GYPB: variants seen among roughly 807,000 people sequenced by gnomAD.
GYPB encodes the protein glycophorin B (MNS blood group).
GYPB carries 13 observed loss-of-function variants against 15.3 expected under a neutral mutation model. That is an observed-to-expected ratio of 0.85 (90% CI 0.55 to 1.35). GYPB has a LOEUF of 1.35. Among genes scored for constraint, GYPB ranks in the 40% most tolerant of loss-of-function variants. The pLI, the probability that GYPB is intolerant of heterozygous loss-of-function variation, is 0.00. For missense variants in GYPB, 131 were observed against 108.3 expected (o/e 1.21, Z -0.93); for synonymous variants, 38 against 36.9 (o/e 1.03, Z -0.11).
chr4:143,997,719 A>T (rs1727400569), intron 3 of GYPB, 85 bp from the exon 4 acceptor site: 6 of 745,408 alleles, frequency 8.0e-6, no homozygotes, highest in Middle Eastern at 2.3e-4. Flanking sequence ...TCAGCATAAC[A>T]TCACCTTGCC....
At position 143,996,175 on chromosome 4, in the gene GYPB, A is replaced by G; in HGVS notation, c.*124T>C. On this transcript the variant is annotated 3_prime_UTR_variant, in exon 5 of 5. Coordinates refer to ENST00000502664, the MANE Select transcript of GYPB (RefSeq NM_002100.6). ...GTAATAGTGAGGCAGGAGAACAGGG[A>G]ATTAGGATAGCCAGGGGTAGGGGCA... 1 of 1,536,294 alleles carries G rather than the reference A, an allele frequency of 6.5e-7. No individual in the cohort carries two copies. Among genetic ancestry groups the G allele is most frequent in the Non-Finnish European group, 8.8e-7 (1 of 1,137,960 alleles).
At position 144,002,297 on chromosome 4, in the gene GYPB, T is replaced by C. The variant is rs118093756; in HGVS notation, c.38-1014A>G. Among the ~76,000 whole-genome samples the C allele has an allele frequency of 1.1e-3, 171 of 151,630 alleles. 5 individuals carry two copies. In the East Asian group the frequency reaches 0.026, roughly 23 times the overall value. ...ATATAGCCATCTGAACTTTTAGTTG[T>C]TATATGTAAATATGGGATCATGGTG... On this transcript the variant is annotated intron_variant, in intron 1 of 4. Coordinates refer to ENST00000502664, the MANE Select transcript of GYPB (RefSeq NM_002100.6).
Position 143,996,317 on chromosome 4 carries a change from GA to G in GYPB, c.271-14del. On this transcript the variant is annotated splice_polypyrimidine_tract_variant and intron_variant, in intron 4 of 4. Transcript: ENST00000502664. ...CACATCCTCATGCCTGTGATAAAAA[GA>G]CAAGAAGTTTCCACTTCAGCCTCTG... The G allele has an allele frequency of 4.5e-6, 7 of 1,550,686 alleles. No individual in the cohort carries two copies. Among genetic ancestry groups the G allele is most frequent in the Non-Finnish European group, 6.1e-6 (7 of 1,147,140 alleles).
downstream of GYPB, among the ~76,000 whole-genome samples, chr4:143,995,276 C>T (rs1727270156): frequency 1.3e-5 from 2 of 151,374 alleles, 1 homozygote; most frequent in African/African-American, 4.9e-5. Context: ...GAGGTAATAA[C>T]ATTCATTTAT....
chr4:144,008,747 G>C (rs1256572642), intron 1 of GYPB, among the ~76,000 whole-genome samples: 1 of 151,424 alleles, frequency 6.6e-6, no homozygotes, highest in Admixed American at 6.6e-5. Context: ...TCACACCACT[G>C]GTACTTCCTT....
intron 4 of GYPB, among the ~76,000 whole-genome samples, chr4:143,996,898 T>C (rs2149954222): frequency 6.6e-6 from 1 of 151,320 alleles, no homozygotes; most frequent in African/African-American, 2.5e-5. Context: ...TTTATTTTAT[T>C]TTTATTTATT....
At chr4:144,001,484 A>G (rs1388411660) in intron 1 of GYPB, among the ~76,000 whole-genome samples, 1 of 151,512 alleles carries the variant, frequency 6.6e-6, no homozygotes, top group Non-Finnish European at 1.5e-5. Context: ...AAGGGGCCAG[A>G]AGCCCCTCCA....
chr4:143,996,574 G>A (rs1219788504), intron 4 of GYPB, among the ~76,000 whole-genome samples: 1 of 150,732 alleles, frequency 6.6e-6, no homozygotes, highest in African/African-American at 2.5e-5. Context: ...AAACCAGCCT[G>A]GCCAACACAG....
At chr4:143,996,094 A>G, downstream of GYPB, 1 of 1,333,862 alleles carries the variant, frequency 7.5e-7, no homozygotes, top group South Asian at 1.6e-5. Context: ...TCATGACTAT[A>G]ATACATGAAA....
At chr4:144,004,438 A>T (rs1579055188) in intron 1 of GYPB, among the ~76,000 whole-genome samples, 1 of 151,990 alleles carries the variant, frequency 6.6e-6, no homozygotes, top group South Asian at 2.1e-4. Flanking sequence ...TTTACAAAAC[A>T]GTGTCATCTT....
In GYPB at chr4:144,001,248, C is replaced by T. The variant is rs760095494; in HGVS notation, c.73G>A (p.Val25Met). Residue 25 changes from valine to methionine, a missense_variant, in exon 2 of 5, where the codon GTG (valine) becomes ATG (methionine). Physicochemically the swap from Val to Met is conservative, Grantham distance 21. Transcript: ENST00000502664. ...VSISALSTTE[V>M]AMHTSTSSSV... is the part of the protein sequence containing the mutation. ...GAAGAGGTTGAAGTGTGCATTGCCA[C>T]CTCAGTGGTACTTAATGCTGATATG... is the stretch of plus-strand genomic sequence containing the variant. The T allele has an allele frequency of 1.2e-6, 2 of 1,612,860 alleles. No homozygotes were observed. Among genetic ancestry groups the T allele is most frequent in the Non-Finnish European group, 1.7e-6 (2 of 1,179,804 alleles).
intron 3 of GYPB, among the ~76,000 whole-genome samples, chr4:143,998,592 C>T (rs1284595263): frequency 7.1e-6 from 1 of 140,216 alleles, no homozygotes; most frequent in Non-Finnish European, 1.5e-5. Context: ...TGAGCACACA[C>T]AGTGATACTC....
At chr4:144,005,279 AC>A (rs539631379) in intron 1 of GYPB, among the ~76,000 whole-genome samples, 2 of 152,090 alleles carry the variant, frequency 1.3e-5, no homozygotes, top group South Asian at 4.1e-4. Flanking sequence ...AATTCTGCTG[AC>A]CCCCAATATT....
intron 3 of GYPB, among the ~76,000 whole-genome samples, chr4:143,999,102 T>A (rs1727476558): frequency 1.3e-5 from 2 of 151,170 alleles, no homozygotes; most frequent in South Asian, 4.2e-4. Context: ...AGAGATAGAT[T>A]TTGCCATATT....
At chr4:144,008,937 G>A (rs1728070605) in intron 1 of GYPB, among the ~76,000 whole-genome samples, 2 of 151,346 alleles carry the variant, frequency 1.3e-5, no homozygotes, top group Admixed American at 6.6e-5. Flanking sequence ...CCTGAGTTTC[G>A]AGGTCAATTC....
At chr4:144,017,267 TA>T (rs1728549518) in intron 1 of GYPB, among the ~76,000 whole-genome samples, 1 of 149,190 alleles carries the variant, frequency 6.7e-6, no homozygotes, top group Non-Finnish European at 1.5e-5. Flanking sequence ...CTGGTAAGTT[TA>T]GAATTAGAAA....
At chr4:143,996,036 T>A (rs1727291523), downstream of GYPB, 1 of 891,306 alleles carries the variant, frequency 1.1e-6, no homozygotes, top group Non-Finnish European at 1.6e-6. Context: ...TTCTCATCTA[T>A]CCTACTGTAA....
chr4:144,002,493 C>A (rs1227794858), intron 1 of GYPB: 2 of 738,450 alleles, frequency 2.7e-6, no homozygotes, highest in Non-Finnish European at 4.0e-6. Context: ...CTATTCTGTG[C>A]ATTCATGTGT....
intron 1 of GYPB, among the ~76,000 whole-genome samples, chr4:144,011,238 G>T (rs1728205227): frequency 6.6e-6 from 1 of 151,202 alleles, no homozygotes; most frequent in Admixed American, 6.6e-5. Context: ...AAATTAACTG[G>T]GCGTGGTGGT....
Sources: gnomAD v4.1 joint callset for allele counts (sites outside exome capture counted in the v4.1 genomes callset) on GRCh38, gnomAD v4.1.1 for gene constraint, MANE v1.5 for transcripts, NCBI Gene and HGNC (gene_info 2026-07-23, HGNC 2026-07-21) for gene names.